Variants in SLC22A5 observed in about 807,000 individuals in gnomAD.
The protein encoded by SLC22A5 is solute carrier family 22 member 5.
Under a neutral mutation model 56.7 loss-of-function variants are expected in SLC22A5, and 44 were observed. The observed-to-expected ratio is 0.78, with a 90% CI of 0.61 to 1.00. The LOEUF (loss-of-function observed/expected upper bound fraction) is 1.00. Ranked by LOEUF, SLC22A5 falls within the 50% of genes least tolerant of loss-of-function variation. The pLI is 0.00. For synonymous variants in SLC22A5, 278 were observed against 292.1 expected, an observed-to-expected ratio of 0.95 and a Z score of 0.49; for missense variants, 675 against 723.0, an observed-to-expected ratio of 0.93 and a Z score of 0.76.
rs1752560559 is a variant in SLC22A5, at chr5:132,387,142, C to T, written c.942C>T (p.Asp314=). The T allele has an allele frequency of 3.1e-6, 5 of 1,614,022 alleles. No homozygotes were observed. Among genetic ancestry groups the T allele is most frequent in the Admixed American group, 1.7e-5 (1 of 60,012 alleles). Residue 314 remains aspartate (D), a synonymous_variant, in exon 5 of 10, where the codon GAC becomes GAT. Coordinates refer to ENST00000245407, the MANE Select transcript of SLC22A5 (RefSeq NM_003060.4). ...TTGTTGTGCCTTCCACTATCTTTGA[C>T]CCGAGTGAGGTAAGCACCATGTGGG... ...NGIVVPSTIF[D]PSELQDLSSK...
intron 1 of SLC22A5, 58 bp from the exon 2 acceptor site, chr5:132,378,320 T>G: frequency 6.2e-7 from 1 of 1,612,422 alleles, no homozygotes; most frequent in Non-Finnish European, 8.5e-7. Context: ...CAGGATGCCT[T>G]TGCTTTAAAA....
At chr5:132,382,186 C>A (rs1207037023) in intron 2 of SLC22A5, 1 of 152,112 alleles carries the variant, frequency 6.6e-6, no homozygotes, top group South Asian at 2.1e-4. Context: ...CAGAAAAAAA[C>A]CTCTTTTATT....
Position 132,375,776 on chromosome 5 carries a change from C to T in SLC22A5, c.394-2602C>T, listed in dbSNP as rs190917446. ...AGAGGGGCAAGTCTAGGCCCTTTGC[C>T]AGAGTTGCTCCCAGATTGTTTTCAG... On this transcript the variant is annotated intron_variant, in intron 1 of 9. Coordinates refer to ENST00000245407, the MANE Select transcript of SLC22A5 (RefSeq NM_003060.4). Among the ~76,000 whole-genome samples the T allele has an allele frequency of 2.3e-3, 348 of 152,326 alleles. 2 individuals are homozygous for T. The highest frequency in any genetic ancestry group is 0.021 in the Middle Eastern group (6 of 292).
rs538643468 is a variant in SLC22A5 at position 132,369,855 on chromosome 5, G to C, written c.-118G>C. On this transcript the variant is annotated 5_prime_UTR_variant, in exon 1 of 10. Coordinates refer to ENST00000245407, the MANE Select transcript of SLC22A5 (RefSeq NM_003060.4). ...GCTCGCGAGCCTACCCTCCGCGGACGGTCTTGGGTCGCCTGCTGCCTGGCT... is the reference window on the plus strand; with the variant it reads ...GCTCGCGAGCCTACCCTCCGCGGACCGTCTTGGGTCGCCTGCTGCCTGGCT... The C allele has an allele frequency of 1.5e-6, 2 of 1,330,986 alleles. No homozygotes were observed. Among genetic ancestry groups the C allele is most frequent in the Non-Finnish European group, 1.0e-6 (1 of 998,802 alleles). The allele number at this position is 1,330,986 out of a possible 1,614,324, so 82.4% of individuals were successfully genotyped here. A position where few individuals can be genotyped will look rare whatever the true frequency, so the allele number is the denominator to read the frequency against.
rs1454981923 is a variant in SLC22A5 at position 132,393,807 on chromosome 5, A to C, written c.1582A>C (p.Lys528Gln). ...PDTIDQMLRV[K>Q]GMKHRKTPSH... ...CACCATTGACCAGATGCTAAGAGTC[A>C]AAGGGTAAGAAGACCTCCTCTGTCA... Residue 528 changes from lysine (K) to glutamine (Q), a missense_variant, in exon 9 of 10, where the codon AAA (lysine) becomes CAA (glutamine). By Grantham distance (53) the Lys-to-Gln change is moderately conservative. Transcript: ENST00000245407. 8 of 1,614,186 alleles carry C rather than the reference A, an allele frequency of 5.0e-6. No individual in the cohort carries two copies. The highest frequency in any genetic ancestry group is 6.8e-6 in the Non-Finnish European group (8 of 1,180,000).
intron 1 of SLC22A5, among the ~76,000 whole-genome samples, chr5:132,373,025 TGTA>T (rs1433720138): frequency 6.6e-6 from 1 of 152,232 alleles, no homozygotes; most frequent in Non-Finnish European, 1.5e-5. Context: ...AGTACATACA[TGTA>T]GTACCAAACT....
intron 1 of SLC22A5, among the ~76,000 whole-genome samples, chr5:132,375,063 A>T (rs1481861782): frequency 6.6e-6 from 1 of 152,182 alleles, no homozygotes; most frequent in East Asian, 1.9e-4. Flanking sequence ...CAAAAGAAAA[A>T]AAAGAGTATT....
At chr5:132,386,613 G>T (rs1752540101) in intron 4 of SLC22A5, among the ~76,000 whole-genome samples, 1 of 152,178 alleles carries the variant, frequency 6.6e-6, no homozygotes, top group Non-Finnish European at 1.5e-5. Flanking sequence ...AAGCTAAAAG[G>T]CCAGTGCAGA....
chr5:132,390,572 A>G (rs552912012), intron 6 of SLC22A5, 118 bp from the exon 7 acceptor site: 2 of 791,804 alleles, frequency 2.5e-6, no homozygotes, highest in African/African-American at 3.3e-5. Context: ...CTGCTGCCTT[A>G]CTAGTCTCTG....
chr5:132,390,744 T>C lies in SLC22A5; in HGVS notation c.1107T>C (p.His369=), dbSNP rs1580892312. 1 of 1,614,264 alleles carries C rather than the reference T, an allele frequency of 6.2e-7. No homozygotes were observed. The highest frequency in any genetic ancestry group is 8.5e-7 in the Non-Finnish European group (1 of 1,180,052). The stretch of plus-strand genomic sequence containing the variant: ...TTTCGCTTGATACTCCTAACTTGCA[T>C]GGGGACATCTTTGTGAACTGCTTCC... ...FGLSLDTPNL[H]GDIFVNCFLS... The change falls in exon 7 of 10, where the codon CAT becomes CAC. Residue 369 remains histidine (H), a synonymous_variant. Transcript: ENST00000245407.
Position 132,393,720 on chromosome 5 carries a change from ACCATCCTGACAG to A in SLC22A5, c.1503_1514del (p.Ala503_Thr506del), listed in dbSNP as rs2126792686. Reference sequence around the variant, plus strand: ...GCCCTACATTCTCATGGGAAGTCTGACCATCCTGACAGCCATCCTCACCTTGTTTCTCCCAGA... The same window carrying A: ...GCCCTACATTCTCATGGGAAGTCTGACCATCCTCACCTTGTTTCTCCCAGA... On this transcript the variant is annotated inframe_deletion, in exon 9 of 10. Transcript: ENST00000245407. 6.2e-7 allele frequency: 1 copy of A among 1,614,100 alleles called. No individual in the cohort carries two copies. The highest frequency in any genetic ancestry group is 2.2e-5 in the East Asian group (1 of 44,884).
At chr5:132,375,403 A>G (rs115947951) in intron 1 of SLC22A5, among the ~76,000 whole-genome samples, 1,574 of 152,352 alleles carry the variant, frequency 0.01, 14 homozygotes, top group Non-Finnish European at 0.018. Context: ...GGTACCTAGC[A>G]GCATGTCTGA....
chr5:132,390,964 G>C (rs931182678), intron 7 of SLC22A5, 60 bp downstream of exon 7: 1 of 1,346,674 alleles, frequency 7.4e-7, no homozygotes, highest in Non-Finnish European at 1.1e-6. Flanking sequence ...TGTCTACCAG[G>C]CTGTCTCAAT....
Position 132,395,338 on chromosome 5 carries a change from T to A in SLC22A5, c.*1066T>A, listed in dbSNP as rs548845880. The A allele has an allele frequency of 4.6e-5, 7 of 152,848 alleles. No individual in the cohort carries two copies. 9.5% of individuals were successfully genotyped at this position (152,848 alleles called of 1,614,324 possible). ...CCAAAAACAGTGTCATTGTGTGTGTTCCTTTCTTGATACTTAGTCATGGGA... is the reference window on the plus strand; with the variant it reads ...CCAAAAACAGTGTCATTGTGTGTGTACCTTTCTTGATACTTAGTCATGGGA... On this transcript the variant is annotated 3_prime_UTR_variant, in exon 10 of 10. Coordinates refer to ENST00000245407, the MANE Select transcript of SLC22A5 (RefSeq NM_003060.4).
intron 8 of SLC22A5, among the ~76,000 whole-genome samples, chr5:132,393,224 T>A (rs1752768627): frequency 6.6e-6 from 1 of 152,130 alleles, no homozygotes; most frequent in Non-Finnish European, 1.5e-5. Context: ...TTTGTGAACA[T>A]GCTATGTAGA....
intron 9 of SLC22A5, 50 bp downstream of exon 9, chr5:132,393,861 C>A: frequency 1.9e-6 from 3 of 1,607,222 alleles, no homozygotes; most frequent in Non-Finnish European, 2.6e-6. Context: ...TGGGTCTGGC[C>A]AGGTCTCAGG....
At position 132,390,797 on chromosome 5, in the gene SLC22A5, A is replaced by G; in HGVS notation, c.1160A>G (p.Tyr387Cys). Residue 387 changes from tyrosine to cysteine, a missense_variant, in exon 7 of 10, where the codon TAT becomes TGT. Coordinates refer to ENST00000245407, the MANE Select transcript of SLC22A5 (RefSeq NM_003060.4). ...TCAGCGATGGTTGAAGTCCCAGCAT[A>G]TGTGTTGGCCTGGCTGCTGCTGCAA... ...FLSAMVEVPA[Y>C]VLAWLLLQYL... 1 of 1,614,160 alleles carries G rather than the reference A, an allele frequency of 6.2e-7. No homozygotes were observed. Among genetic ancestry groups the G allele is most frequent in the Non-Finnish European group, 8.5e-7 (1 of 1,180,026 alleles).
chr5:132,394,092 C>T, intron 9 of SLC22A5, 93 bp from the exon 10 acceptor site: 1 of 920,190 alleles, frequency 1.1e-6, no homozygotes, highest in Non-Finnish European at 1.8e-6. Context: ...GGATTCTCTT[C>T]CCAGGGAAGA....
chr5:132,390,536 T>C (rs999626995), intron 6 of SLC22A5, 154 bp from the exon 7 acceptor site: 3 of 716,830 alleles, frequency 4.2e-6, no homozygotes, highest in South Asian at 1.5e-5. Context: ...TTTTGATCTA[T>C]GAAGTAAGAC....
Sources: allele counts gnomAD v4.1 joint callset (sites outside exome capture counted in the v4.1 genomes callset), GRCh38; gene constraint gnomAD v4.1.1; transcripts MANE v1.5; gene names NCBI Gene and HGNC (gene_info 2026-07-23, HGNC 2026-07-21).